HNRNPUL2: variants seen among roughly 807,000 people sequenced by gnomAD.
The protein encoded by HNRNPUL2 is heterogeneous nuclear ribonucleoprotein U like 2.
HNRNPUL2 carries 27 observed loss-of-function variants against 102.2 expected under a neutral mutation model. The ratio of observed to expected loss-of-function variants is 0.26; its 90% CI spans 0.19 to 0.36. HNRNPUL2 has a LOEUF of 0.36. Among genes scored for constraint, HNRNPUL2 ranks in the 10% least tolerant of loss-of-function variants. HNRNPUL2 has a pLI of 1.00. For synonymous variants in HNRNPUL2, 458 were observed against 387.2 expected (o/e 1.18, Z -2.15); for missense variants, 936 against 981.1 (o/e 0.95, Z 0.61).
chr11:62,716,576 C>A (rs1351922967), intron 11 of HNRNPUL2, among the ~76,000 whole-genome samples: 1 of 152,150 alleles, frequency 6.6e-6, no homozygotes, highest in African/African-American at 2.4e-5. Context: ...ATAAAGCATT[C>A]GCTTTCTTGT....
chr11:62,715,349 C>G lies in HNRNPUL2; in HGVS notation c.2194G>C (p.Asp732His), dbSNP rs1251988145. The G allele has an allele frequency of 6.2e-7, 1 of 1,613,214 alleles. No homozygotes were observed. The highest frequency in any genetic ancestry group is 1.3e-5 in the African/African-American group (1 of 74,622). Reference sequence around the variant, plus strand: ...TAATTCCTGTAGTATCGGTCTCTGTCCTGGGGGTGGTGGTAGTAGTAACTC... The same window carrying G: ...TAATTCCTGTAGTATCGGTCTCTGTGCTGGGGGTGGTGGTAGTAGTAACTC... ...WQSYYYHHPQ[D>H]RDRYYRNYYG... The change falls in exon 14 of 14, where the codon GAC becomes CAC. Residue 732 changes from aspartate to histidine, a missense_variant. Asp to His is a moderately conservative substitution (Grantham distance 81). This residue lies in a region of HNRNPUL2 where 609 missense variants were observed against 713.0 expected (regional missense o/e 0.85). Coordinates refer to ENST00000301785, the MANE Select transcript of HNRNPUL2 (RefSeq NM_001079559.3).
intron 7 of HNRNPUL2, 52 bp downstream of exon 7, chr11:62,722,063 GCA>G: frequency 6.2e-7 from 1 of 1,601,394 alleles, no homozygotes; most frequent in Non-Finnish European, 8.5e-7. Flanking sequence ...GAGAGCATAC[GCA>G]CCCACCTCTG....
intron 10 of HNRNPUL2, among the ~76,000 whole-genome samples, chr11:62,717,996 G>C (rs1490128370): frequency 6.6e-6 from 1 of 152,190 alleles, no homozygotes; most frequent in South Asian, 2.1e-4. Context: ...GATGAATCCA[G>C]TTGGCCCTCA....
At chr11:62,716,925 A>G in intron 11 of HNRNPUL2, 64 bp downstream of exon 11, 1 of 1,573,298 alleles carries the variant, frequency 6.4e-7, no homozygotes, top group South Asian at 1.1e-5. Context: ...TCCCTTGCAC[A>G]TCTTGCTGTA....
intron 11 of HNRNPUL2, 51 bp downstream of exon 11, chr11:62,716,938 A>G (rs766923740): frequency 1.3e-6 from 2 of 1,599,050 alleles, no homozygotes; most frequent in Non-Finnish European, 1.7e-6. Flanking sequence ...TTGCTGTACT[A>G]AGCACAAAGA....
chr11:62,714,952 T>C lies in HNRNPUL2; in HGVS notation c.*347A>G. ...GCCTCAGAATGTCAGAAGGGTGCCA[T>C]TTTCAGTTCTTTTCCTGTCTGACTG... is the stretch of plus-strand genomic sequence containing the variant. On this transcript the variant is annotated 3_prime_UTR_variant, in exon 14 of 14. Transcript: ENST00000301785. 5.1e-6 allele frequency: 1 copy of C among 194,960 alleles called. No individual in the cohort carries two copies. Among genetic ancestry groups the C allele is most frequent in the Non-Finnish European group, 1.1e-5 (1 of 94,012 alleles). 12.1% of individuals were successfully genotyped at this position (194,960 alleles called of 1,614,324 possible).
At position 62,727,110 on chromosome 11, in the gene HNRNPUL2, TGCAGCTCCGACC is replaced by T; in HGVS notation, c.35_46del (p.Arg12_Leu15del). 6.9e-7 allele frequency: 1 copy of T among 1,446,956 alleles called. No individual in the cohort carries two copies. The highest frequency in any genetic ancestry group is 9.1e-7 in the Non-Finnish European group (1 of 1,102,354). 89.6% of individuals were successfully genotyped at this position (1,446,956 alleles called of 1,614,324 possible). ...GCCGCGCGAGTCCAGGCCCCGCCGCTGCAGCTCCGACCGCAGCTCGGTCACTTTCAGCCGCTT... is the reference window on the plus strand; with the variant it reads ...GCCGCGCGAGTCCAGGCCCCGCCGCTGCAGCTCGGTCACTTTCAGCCGCTT... On this transcript the variant is annotated inframe_deletion, in exon 1 of 14. Coordinates refer to ENST00000301785, the MANE Select transcript of HNRNPUL2 (RefSeq NM_001079559.3).
At chr11:62,725,475 A>G (rs1381907591) in intron 1 of HNRNPUL2, among the ~76,000 whole-genome samples, 1 of 152,240 alleles carries the variant, frequency 6.6e-6, no homozygotes, top group African/African-American at 2.4e-5. Flanking sequence ...CCAGGATTAC[A>G]GGCGTGAGCC....
chr11:62,725,983 G>A (rs1230526257), intron 1 of HNRNPUL2, among the ~76,000 whole-genome samples: 2 of 152,124 alleles, frequency 1.3e-5, no homozygotes, highest in Non-Finnish European at 2.9e-5. Flanking sequence ...ATCCAAGCAA[G>A]ATAAAAACCC....
rs1414113710 is a variant in HNRNPUL2 at position 62,713,248 on chromosome 11, AT to A, written c.*2050del. 6.6e-6 allele frequency: 1 copy of A among 152,206 alleles called. No individual in the cohort carries two copies. Among genetic ancestry groups the A allele is most frequent in the African/African-American group, 2.4e-5 (1 of 41,458 alleles). The allele number at this position is 152,206 out of a possible 1,614,324, so 9.4% of individuals were successfully genotyped here. A position where few individuals can be genotyped will look rare whatever the true frequency, so the allele number is the denominator to read the frequency against. ...TGTCACAGACTACAAGAAAGATGCT[AT>A]TTGCAGGACTAAACATCTGAAAAGG... On this transcript the variant is annotated 3_prime_UTR_variant, in exon 14 of 14. Coordinates refer to ENST00000301785, the MANE Select transcript of HNRNPUL2 (RefSeq NM_001079559.3).
At chr11:62,722,513 A>C in intron 6 of HNRNPUL2, 88 bp downstream of exon 6, 2 of 1,410,282 alleles carry the variant, frequency 1.4e-6, no homozygotes, top group Non-Finnish European at 2.0e-6. Context: ...ACATGCATAA[A>C]AGCCAGCAGT....
chr11:62,725,558 A>G (rs1185911771), intron 1 of HNRNPUL2, among the ~76,000 whole-genome samples: 4 of 152,184 alleles, frequency 2.6e-5, no homozygotes. Context: ...AGGTTATGTA[A>G]TGGGATTTTT....
rs533302404 is a variant in HNRNPUL2 at position 62,714,862 on chromosome 11, G to A, written c.*437C>T. ...CCTACCTGCTGTGGAGAGCACCCTC[G>A]CGCTGCCTCCCCACCCTCCCCACAC... On this transcript the variant is annotated 3_prime_UTR_variant, in exon 14 of 14. Transcript: ENST00000301785. 46 of 164,388 alleles carry A rather than the reference G, an allele frequency of 2.8e-4. No homozygotes were observed. In the East Asian group the frequency reaches 7.2e-3, roughly 26 times the overall value. 10.2% of individuals were successfully genotyped at this position (164,388 alleles called of 1,614,324 possible).
In HNRNPUL2 at chr11:62,726,899, C is replaced by CTCGTCCTCCTCCTCCTCCTCT. The variant is rs1565165274; in HGVS notation, c.237_257dup (p.Glu81_Glu87dup). On this transcript the variant is annotated inframe_insertion, in exon 1 of 14. Transcript: ENST00000301785. ...CGTCCTCGTCCTCAAGCAGCGCCTC[C>CTCGTCCTCCTCCTCCTCCTCT]TCGTCCTCCTCCTCCTCCTCTTCGT... is the stretch of plus-strand genomic sequence containing the variant. 2.6e-6 allele frequency: 4 copies of CTCGTCCTCCTCCTCCTCCTCT among 1,560,150 alleles called. No individual in the cohort carries two copies. The African/African-American group carries it at 4.2e-5, about 16-fold the overall frequency.
At position 62,722,624 on chromosome 11, in the gene HNRNPUL2, T is replaced by C; in HGVS notation, c.1072A>G (p.Asn358Asp). ...ACAGCAAAGCAGCCAATAACATCAT[T>C]CTCCCCAAAAGTCTGGCCAAATTCC... ...FEEFGQTFGENDVIGCFANFE... is the reference protein window; with the variant it reads ...FEEFGQTFGEDDVIGCFANFE... The change falls in exon 6 of 14, where the codon AAT becomes GAT. Residue 358 changes from asparagine (N) to aspartate (D), a missense_variant. By Grantham distance (23) the Asn-to-Asp change is conservative. Transcript: ENST00000301785. 6.2e-7 allele frequency: 1 copy of C among 1,613,844 alleles called. No individual in the cohort carries two copies. Among genetic ancestry groups the C allele is most frequent in the Non-Finnish European group, 8.5e-7 (1 of 1,179,860 alleles).
Position 62,721,882 on chromosome 11 carries a change from T to C in HNRNPUL2, c.1420A>G (p.Lys474Glu). ...TTGTATCTTTTCTCAGGGTTTTCTTTTGCATATTTCAGTGCCCACTGGGTC... is the reference window on the plus strand; with the variant it reads ...TTGTATCTTTTCTCAGGGTTTTCTTCTGCATATTTCAGTGCCCACTGGGTC... The part of the protein sequence containing the change: ...GKTQWALKYA[K>E]ENPEKRYNVL... Residue 474 changes from lysine to glutamate, a missense_variant, in exon 8 of 14, where the codon AAA becomes GAA. Lys to Glu is a moderately conservative substitution (Grantham distance 56). Coordinates refer to ENST00000301785, the MANE Select transcript of HNRNPUL2 (RefSeq NM_001079559.3). 5.0e-6 allele frequency: 8 copies of C among 1,614,212 alleles called. No individual in the cohort carries two copies. Among genetic ancestry groups the C allele is most frequent in the Non-Finnish European group, 6.8e-6 (8 of 1,180,026 alleles).
intron 10 of HNRNPUL2, among the ~76,000 whole-genome samples, chr11:62,718,288 GCATTACAGAC>G (rs1565160326): frequency 6.6e-6 from 1 of 152,096 alleles, no homozygotes; most frequent in East Asian, 1.9e-4. Context: ...CTTATGTATT[GCATTACAGAC>G]TTCAGCCAAA....
chr11:62,723,616 T>G lies in HNRNPUL2; in HGVS notation c.862A>C (p.Thr288Pro). 1 of 1,612,838 alleles carries G rather than the reference T, an allele frequency of 6.2e-7. No homozygotes were observed. The highest frequency in any genetic ancestry group is 8.5e-7 in the Non-Finnish European group (1 of 1,179,272). Reference sequence around the variant, plus strand: ...GCCTCAAAGCAGACTTTTCCCTTTGTCACTCCGTAAGTACTCCTTGCCCCA... The same window carrying G: ...GCCTCAAAGCAGACTTTTCCCTTTGGCACTCCGTAAGTACTCCTTGCCCCA... ...WSGARSTYGV[T>P]KGKVCFEAKV... The change falls in exon 4 of 14, where the codon ACA becomes CCA. Residue 288 changes from threonine to proline, a missense_variant. Physicochemically the swap from Thr to Pro is conservative, Grantham distance 38. Transcript: ENST00000301785.
Position 62,715,304 on chromosome 11 carries a change from G to T in HNRNPUL2, c.2239C>A (p.Arg747=). ...YRNYYGYQGY[R] Reference sequence around the variant, plus strand: ...AGGTGACCATGGCAGGGGCTTCACCGATACCCTTGGTACCCGTAGTAATTC... The same window carrying T: ...AGGTGACCATGGCAGGGGCTTCACCTATACCCTTGGTACCCGTAGTAATTC... The change falls in exon 14 of 14, where the codon CGG becomes AGG. Residue 747 remains arginine, a synonymous_variant. Coordinates refer to ENST00000301785, the MANE Select transcript of HNRNPUL2 (RefSeq NM_001079559.3). 4 of 1,611,910 alleles carry T rather than the reference G, an allele frequency of 2.5e-6. No individual in the cohort carries two copies. The highest frequency in any genetic ancestry group is 3.4e-6 in the Non-Finnish European group (4 of 1,179,150).
Sources: allele counts gnomAD v4.1 joint callset (sites outside exome capture counted in the v4.1 genomes callset), GRCh38; gene constraint gnomAD v4.1.1; regional missense constraint gnomAD v4.1.1; transcripts MANE v1.5; gene names NCBI Gene and HGNC (gene_info 2026-07-23, HGNC 2026-07-21).